The following PCDHGB6 variants were observed in gnomAD, a reference collection of about 807,000 sequenced individuals.
PCDHGB6 encodes the protein protocadherin gamma-B6.
Under a neutral mutation model 59.1 loss-of-function variants are expected in PCDHGB6, and 51 were observed. The ratio of observed to expected loss-of-function variants is 0.86; its 90% CI spans 0.69 to 1.09. The LOEUF is 1.09. Ranked by LOEUF, PCDHGB6 falls within the 50% of genes least tolerant of loss-of-function variation. The pLI is 0.00. For synonymous variants in PCDHGB6, 466 were observed against 495.1 expected, an observed-to-expected ratio of 0.94 and a Z score of 0.78; for missense variants, 1,148 against 1,205.1, an observed-to-expected ratio of 0.95 and a Z score of 0.70.
At chr5:141,438,585 TAC>T (rs1561889967) in intron 1 of PCDHGB6, among the ~76,000 whole-genome samples, 141 of 61,160 alleles carry the variant, frequency 2.3e-3, no homozygotes, top group South Asian at 4.3e-3. Flanking sequence ...CATACATACA[TAC>T]ATACATATAT....
chr5:141,432,797 T>C lies in PCDHGB6; in HGVS notation c.2418+22177T>C, dbSNP rs1591218426. On this transcript the variant is annotated intron_variant, in intron 1 of 3. Coordinates refer to ENST00000520790, the MANE Select transcript of PCDHGB6 (RefSeq NM_018926.3). The surrounding 1 kb of genome is among the most constrained non-coding windows in gnomAD (Gnocchi z 6.0). The stretch of plus-strand genomic sequence containing the variant: ...CCTGGCGGACCTCGGCAGCCTCGAG[T>C]CTCCAGCTAACTCTGAAACCTCAGA... 2.5e-6 allele frequency: 4 copies of C among 1,613,752 alleles called. No individual in the cohort carries two copies. The highest frequency in any genetic ancestry group is 2.7e-5 in the African/African-American group (2 of 74,816).
intron 1 of PCDHGB6, among the ~76,000 whole-genome samples, chr5:141,438,339 AGGATC>A (rs1013025873): frequency 1.6e-4 from 25 of 151,944 alleles, no homozygotes; most frequent in Non-Finnish European, 1.9e-4. Flanking sequence ...ATGTCATATA[AGGATC>A]TACTCTGTGT....
At chr5:141,438,610 A>G (rs2098013566) in intron 1 of PCDHGB6, among the ~76,000 whole-genome samples, 1 of 30,060 alleles carries the variant, frequency 3.3e-5, no homozygotes, top group African/African-American at 2.4e-4. Flanking sequence ...ATATATATAT[A>G]TATATATATA....
intron 1 of PCDHGB6, chr5:141,441,629 G>T: frequency 4.5e-6 from 1 of 224,156 alleles, no homozygotes; most frequent in Non-Finnish European, 9.0e-6. Flanking sequence ...GTGACCTGGA[G>T]CCACAGGCGC....
rs748803155 is a variant in PCDHGB6, at chr5:141,490,087, G to C, written c.2419-4720G>C. ...CGGCCAACTAGACTATTCTTTTGGAGACCACACATCTGAGGCAGTGCGGAA... is the reference window on the plus strand; with the variant it reads ...CGGCCAACTAGACTATTCTTTTGGACACCACACATCTGAGGCAGTGCGGAA... On this transcript the variant is annotated intron_variant, in intron 1 of 3. Transcript: ENST00000520790. The surrounding 1 kb of genome is among the most constrained non-coding windows in gnomAD (Gnocchi z 5.4). 1.9e-6 allele frequency: 3 copies of C among 1,614,244 alleles called. No individual in the cohort carries two copies. Among genetic ancestry groups the C allele is most frequent in the Non-Finnish European group, 2.5e-6 (3 of 1,180,044 alleles).
chr5:141,503,372 G>A (rs1275544964), intron 2 of PCDHGB6, among the ~76,000 whole-genome samples: 1 of 151,968 alleles, frequency 6.6e-6, no homozygotes, highest in Non-Finnish European at 1.5e-5. Context: ...GGAGGCAGGT[G>A]GATCATGAGG....
Position 141,511,348 on chromosome 5 carries a change from C to T in PCDHGB6, c.*175C>T. Reference sequence around the variant, plus strand: ...TGCCCAGTCAGCACCTACCCCTTCCCCCCCAGGGGGTTGAATATGCAAAAG... The same window carrying T: ...TGCCCAGTCAGCACCTACCCCTTCCTCCCCAGGGGGTTGAATATGCAAAAG... On this transcript the variant is annotated 3_prime_UTR_variant, in exon 4 of 4. Transcript: ENST00000520790. The T allele has an allele frequency of 7.1e-7, 1 of 1,404,104 alleles. No homozygotes were observed. The highest frequency in any genetic ancestry group is 9.5e-7 in the Non-Finnish European group (1 of 1,056,554). 87.0% of individuals were successfully genotyped at this position (1,404,104 alleles called of 1,614,324 possible). A position where few individuals can be genotyped will look rare whatever the true frequency, so the allele number is the denominator to read the frequency against.
At chr5:141,433,422 A>G (rs1172678396) in intron 1 of PCDHGB6, among the ~76,000 whole-genome samples, 1 of 150,646 alleles carries the variant, frequency 6.6e-6, no homozygotes, top group Admixed American at 6.6e-5. Context: ...TCTTGTACAG[A>G]CAGGAGTCTC....
At position 141,487,653 on chromosome 5, in the gene PCDHGB6, A is replaced by C. The variant is rs1033173132; in HGVS notation, c.2419-7154A>C. The C allele has an allele frequency of 3.1e-6, 5 of 1,613,794 alleles. No individual in the cohort carries two copies. Among genetic ancestry groups the C allele is most frequent in the Non-Finnish European group, 4.2e-6 (5 of 1,179,926 alleles). ...CAGGCTCAACAAATGCTTGAGGGTT[A>C]TTCTGATCCAGGCATATGGCTAGGC... On this transcript the variant is annotated intron_variant, in intron 1 of 3. Transcript: ENST00000520790. This position sits in a 1 kb window ranked among gnomAD's most constrained non-coding sequence, Gnocchi z 5.0.
chr5:141,490,998 C>T lies in PCDHGB6; in HGVS notation c.2419-3809C>T, dbSNP rs1284919124. 5 of 1,614,014 alleles carry T rather than the reference C, an allele frequency of 3.1e-6. No homozygotes were observed. The highest frequency in any genetic ancestry group is 1.7e-5 in the Admixed American group (1 of 60,016). On this transcript the variant is annotated intron_variant, in intron 1 of 3. Coordinates refer to ENST00000520790, the MANE Select transcript of PCDHGB6 (RefSeq NM_018926.3). The surrounding 1 kb of genome is among the most constrained non-coding windows in gnomAD (Gnocchi z 5.4). Reference sequence around the variant, plus strand: ...GTCTCCCTCGCTCTGCTCCTCCTGGCTCCTTGGTCACCAAGGTGACAGCCG... The same window carrying T: ...GTCTCCCTCGCTCTGCTCCTCCTGGTTCCTTGGTCACCAAGGTGACAGCCG...
intron 1 of PCDHGB6, among the ~76,000 whole-genome samples, chr5:141,454,491 C>T (rs956727548): frequency 6.6e-6 from 1 of 152,194 alleles, no homozygotes; most frequent in South Asian, 2.1e-4. Context: ...ACCGCAACCT[C>T]CACCTCCTGG....
rs1312753736 is a variant in PCDHGB6 at position 141,410,388 on chromosome 5, C to G, written c.2186C>G (p.Pro729Arg). 1 of 1,613,962 alleles carries G rather than the reference C, an allele frequency of 6.2e-7. No individual in the cohort carries two copies. Among genetic ancestry groups the G allele is most frequent in the African/African-American group, 1.3e-5 (1 of 74,954 alleles). Residue 729 changes from proline (P) to arginine (R), a missense_variant, in exon 1 of 4, where the codon CCT becomes CGT. Pro to Arg is a moderately radical substitution (Grantham distance 103, BLOSUM62 -2). Transcript: ENST00000520790. Reference protein sequence around the residue: ...LSPATWDCFHPGLCVKSGPVV... With the variant: ...LSPATWDCFHRGLCVKSGPVV... ...CCTGCTACTTGGGACTGCTTCCATC[C>G]TGGTCTCTGTGTCAAGTCTGGACCT...
chr5:141,443,136 C>T (rs910953831), intron 1 of PCDHGB6, among the ~76,000 whole-genome samples: 1 of 152,160 alleles, frequency 6.6e-6, no homozygotes, highest in African/African-American at 2.4e-5. Context: ...AGAACACTAT[C>T]ATAAGTTATA....
chr5:141,423,720 A>G, intron 1 of PCDHGB6: 1 of 957,774 alleles, frequency 1.0e-6, no homozygotes, highest in East Asian at 6.0e-5. Flanking sequence ...TTTTAAGGAG[A>G]TGTTTTTTGA....
Position 141,490,089 on chromosome 5 carries a change from C to G in PCDHGB6, c.2419-4718C>G. On this transcript the variant is annotated intron_variant, in intron 1 of 3. Transcript: ENST00000520790. This position sits in a 1 kb window ranked among gnomAD's most constrained non-coding sequence, Gnocchi z 5.4. ...GCCAACTAGACTATTCTTTTGGAGACCACACATCTGAGGCAGTGCGGAACC... is the reference window on the plus strand; with the variant it reads ...GCCAACTAGACTATTCTTTTGGAGAGCACACATCTGAGGCAGTGCGGAACC... 1 of 1,614,232 alleles carries G rather than the reference C, an allele frequency of 6.2e-7. No homozygotes were observed. The highest frequency in any genetic ancestry group is 8.5e-7 in the Non-Finnish European group (1 of 1,180,026).
intron 1 of PCDHGB6, among the ~76,000 whole-genome samples, chr5:141,448,083 T>C (rs1020024755): frequency 2.6e-5 from 4 of 151,368 alleles, no homozygotes; most frequent in African/African-American, 9.7e-5. Context: ...CGAAATGCCA[T>C]CTTAAAAAAA....
rs1460389320 is a variant in PCDHGB6 at position 141,490,134 on chromosome 5, C to T, written c.2419-4673C>T. The T allele has an allele frequency of 2.5e-6, 4 of 1,614,114 alleles. No homozygotes were observed. Among genetic ancestry groups the T allele is most frequent in the Admixed American group, 3.3e-5 (2 of 59,998 alleles). ...GGAACCTCTTTGGCCTAGACCCTAG[C>T]AGTGGGGCAATCCATGTGTTGGGTC... On this transcript the variant is annotated intron_variant, in intron 1 of 3. Coordinates refer to ENST00000520790, the MANE Select transcript of PCDHGB6 (RefSeq NM_018926.3). This position sits in a 1 kb window ranked among gnomAD's most constrained non-coding sequence, Gnocchi z 5.4.
Position 141,431,663 on chromosome 5 carries a change from T to G in PCDHGB6, c.2418+21043T>G, listed in dbSNP as rs2097405149. ...ACTAGATTGTAATTCAGGGACAATA[T>G]CAACAATAGGGGAGTTGGACCACGA... On this transcript the variant is annotated intron_variant, in intron 1 of 3. Coordinates refer to ENST00000520790, the MANE Select transcript of PCDHGB6 (RefSeq NM_018926.3). The surrounding 1 kb of genome is among the most constrained non-coding windows in gnomAD (Gnocchi z 4.8). The G allele has an allele frequency of 6.2e-7, 1 of 1,614,168 alleles. No individual in the cohort carries two copies.
rs2099710385 is a variant in PCDHGB6 at position 141,491,296 on chromosome 5, G to A, written c.2419-3511G>A. 6.2e-7 allele frequency: 1 copy of A among 1,614,034 alleles called. No individual in the cohort carries two copies. Among genetic ancestry groups the A allele is most frequent in the African/African-American group, 1.3e-5 (1 of 74,924 alleles). Reference sequence around the variant, plus strand: ...CAGTGACTTCCTCATACACCCTCCTGAGCGTTCAGACCTTACCCTTTACCT... The same window carrying A: ...CAGTGACTTCCTCATACACCCTCCTAAGCGTTCAGACCTTACCCTTTACCT... On this transcript the variant is annotated intron_variant, in intron 1 of 3. Transcript: ENST00000520790. The surrounding 1 kb of genome is among the most constrained non-coding windows in gnomAD (Gnocchi z 6.9).
Sources: allele counts gnomAD v4.1 joint callset (sites outside exome capture counted in the v4.1 genomes callset), GRCh38; gene constraint gnomAD v4.1.1; non-coding constraint Gnocchi (gnomAD v3.1); transcripts MANE v1.5; gene names NCBI Gene and HGNC (gene_info 2026-07-23, HGNC 2026-07-21).